The following PPP2R2A variants were observed in gnomAD, a reference collection of about 807,000 sequenced individuals.
PPP2R2A encodes the protein protein phosphatase 2 regulatory subunit Balpha, also known as serine/threonine-protein phosphatase 2A 55 kDa regulatory subunit B alpha isoform.
PPP2R2A carries 9 observed loss-of-function variants against 53.2 expected under a neutral mutation model. The ratio of observed to expected loss-of-function variants is 0.17; its 90% CI spans 0.10 to 0.30. The LOEUF is 0.30. Ranked by LOEUF, PPP2R2A falls within the 10% of genes least tolerant of loss-of-function variation. The pLI, the probability that PPP2R2A is intolerant of heterozygous loss-of-function variation, is 1.00. For missense variants in PPP2R2A, 235 were observed against 534.6 expected (o/e 0.44, Z 5.53); for synonymous variants, 169 against 174.2 (o/e 0.97, Z 0.23).
rs1418115533 is a variant in PPP2R2A at position 26,322,481 on chromosome 8, T to C, written c.83-16409T>C. On this transcript the variant is annotated intron_variant, in intron 2 of 9. Coordinates refer to ENST00000380737, the MANE Select transcript of PPP2R2A (RefSeq NM_002717.4). ...CCAGAGAACTCTGAGGAAAAAACTA[T>C]GATAAACTAAGAATCCTAAATTGAT... Among the ~76,000 whole-genome samples, 13 of 152,166 alleles carry C rather than the reference T, an allele frequency of 8.5e-5. No individual in the cohort carries two copies. The East Asian group carries it at 2.1e-3, about 25-fold the overall frequency.
intron 3 of PPP2R2A, among the ~76,000 whole-genome samples, chr8:26,340,283 T>A (rs1041795979): frequency 1.3e-5 from 2 of 152,040 alleles, no homozygotes; most frequent in Non-Finnish European, 2.9e-5. Context: ...ATTACTTTAT[T>A]ACTTAGTGGC....
chr8:26,339,101 A>G (rs896270429), intron 3 of PPP2R2A, 114 bp downstream of exon 3: 3 of 766,178 alleles, frequency 3.9e-6, no homozygotes, highest in Non-Finnish European at 6.6e-6. Context: ...GTGTGTGTTT[A>G]TTGAATACAA....
At chr8:26,294,339 TA>T (rs1801446168) in intron 2 of PPP2R2A, among the ~76,000 whole-genome samples, 3 of 152,350 alleles carry the variant, frequency 2.0e-5, no homozygotes, top group Non-Finnish European at 4.4e-5. Flanking sequence ...AGGAATCGTA[TA>T]TTCTTGTGCA....
chr8:26,362,919 A>G lies in PPP2R2A; in HGVS notation c.802+71A>G, dbSNP rs889292685. On this transcript the variant is annotated intron_variant, in intron 7 of 9. Coordinates refer to ENST00000380737, the MANE Select transcript of PPP2R2A (RefSeq NM_002717.4). This position sits in a 1 kb window ranked among gnomAD's most constrained non-coding sequence, Gnocchi z 4.4. ...GTCTGAAATAAGCCTCAGACATGAT[A>G]AGTACAATTACAGAGGTTCAAAGTC... The G allele has an allele frequency of 6.9e-7, 1 of 1,446,434 alleles. No homozygotes were observed. Among genetic ancestry groups the G allele is most frequent in the Non-Finnish European group, 9.5e-7 (1 of 1,053,420 alleles). The allele number at this position is 1,446,434 out of a possible 1,614,324, so 89.6% of individuals were successfully genotyped here.
rs1802831586 is a variant in PPP2R2A, at chr8:26,321,357, A to G, written c.83-17533A>G. 6.6e-6 allele frequency among the ~76,000 whole-genome samples: 1 copy of G among 152,212 alleles called. No homozygotes were observed. The highest frequency in any genetic ancestry group is 2.4e-5 in the African/African-American group (1 of 41,440). On this transcript the variant is annotated intron_variant, in intron 2 of 9. Coordinates refer to ENST00000380737, the MANE Select transcript of PPP2R2A (RefSeq NM_002717.4). This position sits in a 1 kb window ranked among gnomAD's most constrained non-coding sequence, Gnocchi z 4.1. ...AGCACAAAGTTGAAACTCTGCCCCCAGGCTGCCTTCTTTGTCAGGCAGCCG... is the reference window on the plus strand; with the variant it reads ...AGCACAAAGTTGAAACTCTGCCCCCGGGCTGCCTTCTTTGTCAGGCAGCCG...
Position 26,291,705 on chromosome 8 carries a change from C to A in PPP2R2A, c.-115C>A. 1 of 821,250 alleles carries A rather than the reference C, an allele frequency of 1.2e-6. No homozygotes were observed. Among genetic ancestry groups the A allele is most frequent in the Non-Finnish European group, 1.9e-6 (1 of 527,910 alleles). The allele number at this position is 821,250 out of a possible 1,614,324, so 50.9% of individuals were successfully genotyped here. A position where few individuals can be genotyped will look rare whatever the true frequency, so the allele number is the denominator to read the frequency against. On this transcript the variant is annotated 5_prime_UTR_variant, in exon 1 of 10. Transcript: ENST00000380737. ...CCCCGGCCCCCGTCCCCTCCCCCCG[C>A]AGGTGCCATCCGCCGCCATCCGCCC...
chr8:26,360,294 G>C lies in PPP2R2A; in HGVS notation c.459+13G>C, dbSNP rs1585406332. 3 of 1,484,106 alleles carry C rather than the reference G, an allele frequency of 2.0e-6. No individual in the cohort carries two copies. Among genetic ancestry groups the C allele is most frequent in the Non-Finnish European group, 2.8e-6 (3 of 1,077,174 alleles). 91.9% of individuals were successfully genotyped at this position (1,484,106 alleles called of 1,614,324 possible). ...TACTACACTACGAGTAAGTACATAA[G>C]AAAAAAATGTCACAGATAGTGCTTG... On this transcript the variant is annotated intron_variant, in intron 5 of 9. Transcript: ENST00000380737. The surrounding 1 kb of genome is among the most constrained non-coding windows in gnomAD (Gnocchi z 4.5).
intron 2 of PPP2R2A, among the ~76,000 whole-genome samples, chr8:26,315,025 T>G (rs970060389): frequency 2.0e-5 from 3 of 152,068 alleles, no homozygotes; most frequent in African/African-American, 2.4e-5. Flanking sequence ...GGAAATAATG[T>G]TGGTGGTGGT....
chr8:26,323,051 C>A (rs542109378), intron 2 of PPP2R2A, among the ~76,000 whole-genome samples: 1 of 152,302 alleles, frequency 6.6e-6, no homozygotes, highest in South Asian at 2.1e-4. Flanking sequence ...TTCCTACTCA[C>A]TAGAAGTTCC....
chr8:26,364,498 G>A (rs931978817), intron 8 of PPP2R2A, among the ~76,000 whole-genome samples: 4 of 152,206 alleles, frequency 2.6e-5, no homozygotes, highest in Non-Finnish European at 5.9e-5. Flanking sequence ...GAAGTACACA[G>A]CCTGGAACAG....
intron 2 of PPP2R2A, among the ~76,000 whole-genome samples, chr8:26,312,046 T>C (rs1270715827): frequency 6.6e-6 from 1 of 152,200 alleles, no homozygotes; most frequent in African/African-American, 2.4e-5. Context: ...ATTTTCTCTT[T>C]CTCCTCGTTC....
In PPP2R2A at chr8:26,362,216, G is replaced by T. The variant is rs1042907194; in HGVS notation, c.638-468G>T. ...AATAAAAATATTCTATTGAGGCCGG[G>T]CACAGTGACTCATGCCTGTAATCCC... On this transcript the variant is annotated intron_variant, in intron 6 of 9. Transcript: ENST00000380737. This position sits in a 1 kb window ranked among gnomAD's most constrained non-coding sequence, Gnocchi z 4.4. Among the ~76,000 whole-genome samples the T allele has an allele frequency of 6.6e-6, 1 of 151,674 alleles. No individual in the cohort carries two copies. The highest frequency in any genetic ancestry group is 1.5e-5 in the Non-Finnish European group (1 of 67,944).
chr8:26,348,966 G>A (rs955078656), intron 3 of PPP2R2A, among the ~76,000 whole-genome samples: 3 of 151,874 alleles, frequency 2.0e-5, no homozygotes, highest in African/African-American at 7.3e-5. Flanking sequence ...GTTTTCTCAG[G>A]TTGAAATATT....
At chr8:26,309,321 T>C (rs959980499) in intron 2 of PPP2R2A, among the ~76,000 whole-genome samples, 1 of 152,190 alleles carries the variant, frequency 6.6e-6, no homozygotes, top group Non-Finnish European at 1.5e-5. Flanking sequence ...GAAATGAGTC[T>C]TTTTTCTAAG....
chr8:26,347,731 G>A (rs1804293196), intron 3 of PPP2R2A, among the ~76,000 whole-genome samples: 1 of 151,830 alleles, frequency 6.6e-6, no homozygotes, highest in African/African-American at 2.4e-5. Context: ...TTGTTTTTTT[G>A]ATAGGATATT....
Position 26,370,734 on chromosome 8 carries a change from G to A in PPP2R2A, c.*321G>A. The stretch of plus-strand genomic sequence containing the variant: ...CACTTTTTATGCCTTCCATTGTGAT[G>A]ACGTCAAACACAGTGAAAGCCTTCA... On this transcript the variant is annotated 3_prime_UTR_variant, in exon 10 of 10. Coordinates refer to ENST00000380737, the MANE Select transcript of PPP2R2A (RefSeq NM_002717.4). The surrounding 1 kb of genome is among the most constrained non-coding windows in gnomAD (Gnocchi z 6.1). 3.0e-6 allele frequency: 1 copy of A among 335,774 alleles called. No individual in the cohort carries two copies. The highest frequency in any genetic ancestry group is 5.7e-6 in the Non-Finnish European group (1 of 176,794). The allele number at this position is 335,774 out of a possible 1,614,324, so 20.8% of individuals were successfully genotyped here. A position where few individuals can be genotyped will look rare whatever the true frequency, so the allele number is the denominator to read the frequency against.
chr8:26,334,696 G>A (rs770136453), intron 2 of PPP2R2A, among the ~76,000 whole-genome samples: 5 of 151,950 alleles, frequency 3.3e-5, no homozygotes, highest in Non-Finnish European at 7.4e-5. Flanking sequence ...AGGGAGCCGA[G>A]ATCGCGCCAC....
intron 2 of PPP2R2A, among the ~76,000 whole-genome samples, chr8:26,322,480 A>G (rs965071694): frequency 3.3e-5 from 5 of 152,148 alleles, no homozygotes; most frequent in Admixed American, 6.5e-5. Context: ...GGAAAAAACT[A>G]TGATAAACTA....
chr8:26,337,456 C>T (rs1803722545), intron 2 of PPP2R2A, among the ~76,000 whole-genome samples: 1 of 152,242 alleles, frequency 6.6e-6, no homozygotes, highest in Non-Finnish European at 1.5e-5. Context: ...TTTGCTCCTA[C>T]TTAACTCCCC....
Sources: allele counts gnomAD v4.1 joint callset (sites outside exome capture counted in the v4.1 genomes callset), GRCh38; gene constraint gnomAD v4.1.1; non-coding constraint Gnocchi (gnomAD v3.1); transcripts MANE v1.5; gene names NCBI Gene and HGNC (gene_info 2026-07-23, HGNC 2026-07-21).